The following ZNF451 variants were observed in gnomAD, a reference collection of about 807,000 sequenced individuals.
ZNF451 encodes the protein E3 SUMO-protein ligase ZNF451.
In ZNF451, 80 loss-of-function variants were observed where a neutral mutation model predicts 107.1. The ratio of observed to expected loss-of-function variants is 0.75; its 90% CI spans 0.62 to 0.90. The LOEUF (loss-of-function observed/expected upper bound fraction) is 0.90. Among genes scored for constraint, ZNF451 ranks in the 40% least tolerant of loss-of-function variants. The pLI is 0.00. For synonymous variants in ZNF451, 362 were observed against 406.5 expected (o/e 0.89, Z 1.32); for missense variants, 1,107 against 1,236.2 (o/e 0.90, Z 1.57).
chr6:57,130,627 G>C (rs1380170179), intron 5 of ZNF451, among the ~76,000 whole-genome samples: 1 of 152,104 alleles, frequency 6.6e-6, no homozygotes. Context: ...TGGTAGTCGG[G>C]CCAGTAATAT....
chr6:57,130,549 C>A (rs1160601697), intron 5 of ZNF451, among the ~76,000 whole-genome samples: 1 of 152,148 alleles, frequency 6.6e-6, no homozygotes, highest in Non-Finnish European at 1.5e-5. Flanking sequence ...AACTAGAAGA[C>A]TTTATCATCT....
intron 3 of ZNF451, chr6:57,103,565 A>G (rs1353429235): frequency 1.0e-5 from 10 of 985,296 alleles, no homozygotes; most frequent in East Asian, 1.1e-4. Context: ...TCTTCACAGC[A>G]TGACATCAGG....
At chr6:57,144,596 G>T (rs1361973572) in intron 9 of ZNF451, among the ~76,000 whole-genome samples, 1 of 152,014 alleles carries the variant, frequency 6.6e-6, no homozygotes, top group East Asian at 1.9e-4. Context: ...TGTTATCTTT[G>T]CCCTTTTGAT....
chr6:57,152,182 C>T, intron 11 of ZNF451, 39 bp from the exon 12 acceptor site: 2 of 1,574,206 alleles, frequency 1.3e-6, no homozygotes, highest in South Asian at 1.2e-5. Context: ...CTTTCCTCTC[C>T]TGTTTGATTA....
chr6:57,113,498 A>T (rs1401526599), intron 3 of ZNF451, among the ~76,000 whole-genome samples: 1 of 152,140 alleles, frequency 6.6e-6, no homozygotes, highest in East Asian at 1.9e-4. Context: ...TTAGCTAGTT[A>T]TCACAATAAG....
chr6:57,158,760 A>C, intron 13 of ZNF451: 1 of 985,454 alleles, frequency 1.0e-6, no homozygotes. Flanking sequence ...ACTACAAGAT[A>C]ATTTTTGTTG....
At position 57,134,744 on chromosome 6, in the gene ZNF451, G is replaced by A; in HGVS notation, c.576G>A (p.Arg192=). ...NGHLLLGHLK[R]FDHSPCDPTI... ...ACCTCTTACCTCTTTTGCTGAGTAG[G>A]TTCGATCACTCTCCATGTGATCCAA... Residue 192 remains arginine (R), a splice_region_variant and synonymous_variant, in exon 7 of 15, where the codon AGG becomes AGA. Coordinates refer to ENST00000370706, the MANE Select transcript of ZNF451 (RefSeq NM_001031623.3). The A allele has an allele frequency of 6.2e-7, 1 of 1,611,924 alleles. No homozygotes were observed. The highest frequency in any genetic ancestry group is 8.5e-7 in the Non-Finnish European group (1 of 1,179,206).
chr6:57,163,470 A>T (rs1249172559), intron 14 of ZNF451, among the ~76,000 whole-genome samples: 3 of 10,686 alleles, frequency 2.8e-4, no homozygotes, highest in East Asian at 1.1e-3. Flanking sequence ...TTTTTTTTTG[A>T]GACGGAGTCT....
At chr6:57,113,696 A>G (rs1246647355) in intron 3 of ZNF451, among the ~76,000 whole-genome samples, 1 of 146,510 alleles carries the variant, frequency 6.8e-6, no homozygotes, top group Non-Finnish European at 1.5e-5. Flanking sequence ...ATCTCGGCTC[A>G]CTGCAAGCTC....
At chr6:57,122,766 CTG>C (rs1830704662) in intron 3 of ZNF451, among the ~76,000 whole-genome samples, 1 of 152,230 alleles carries the variant, frequency 6.6e-6, no homozygotes, top group African/African-American at 2.4e-5. Flanking sequence ...CATTTATACA[CTG>C]TTGGTGGAAA....
chr6:57,143,970 T>C (rs1413135220), intron 9 of ZNF451, among the ~76,000 whole-genome samples: 1 of 152,162 alleles, frequency 6.6e-6, no homozygotes, highest in African/African-American at 2.4e-5. Flanking sequence ...ATTTATATGA[T>C]TCCATTCACA....
At chr6:57,101,354 A>G (rs1337103801) in intron 3 of ZNF451, 11 of 1,550,560 alleles carry the variant, frequency 7.1e-6, no homozygotes, top group Non-Finnish European at 8.7e-6. Flanking sequence ...GAGGTTTTTA[A>G]AGACCCTGCT....
At chr6:57,141,814 C>A (rs1831777608) in intron 8 of ZNF451, 134 bp from the exon 9 acceptor site, 2 of 786,424 alleles carry the variant, frequency 2.5e-6, no homozygotes, top group Admixed American at 5.7e-5. Context: ...AGTGGCTTCC[C>A]TTAGATTTTT....
At chr6:57,105,200 G>T in intron 3 of ZNF451, 2 of 985,180 alleles carry the variant, frequency 2.0e-6, no homozygotes, top group South Asian at 4.7e-5. Flanking sequence ...AATACCTCTA[G>T]GTTTTCTAGG....
chr6:57,168,982 CTG>C lies in ZNF451; in HGVS notation c.*514_*515del, dbSNP rs1764021536. 6.6e-6 allele frequency: 1 copy of C among 152,284 alleles called. No homozygotes were observed. Among genetic ancestry groups the C allele is most frequent in the African/African-American group, 2.4e-5 (1 of 41,424 alleles). The allele number at this position is 152,284 out of a possible 1,614,324, so 9.4% of individuals were successfully genotyped here. On this transcript the variant is annotated 3_prime_UTR_variant, in exon 15 of 15. Transcript: ENST00000370706. ...GTTTATTAGAAGAGGGTAATGGAAA[CTG>C]ATCATGGAAACATTTAAAATTTTAT...
rs1388067858 is a variant in ZNF451 at position 57,149,437 on chromosome 6, A to AT, written c.2608+748dup. ...ATTTGTAAAATTTTTTTGAGATGGG[A>AT]TTTTACTATGTTGCCCAGGCTGGTT... On this transcript the variant is annotated intron_variant, in intron 10 of 14. Coordinates refer to ENST00000370706, the MANE Select transcript of ZNF451 (RefSeq NM_001031623.3). Among the ~76,000 whole-genome samples the AT allele has an allele frequency of 2.0e-5, 3 of 151,800 alleles. No homozygotes were observed. In the East Asian group the frequency reaches 5.8e-4, roughly 29 times the overall value.
At chr6:57,123,094 G>A (rs1026819211) in intron 3 of ZNF451, among the ~76,000 whole-genome samples, 2 of 152,184 alleles carry the variant, frequency 1.3e-5, no homozygotes, top group Admixed American at 1.3e-4. Context: ...CTTGAGCCTG[G>A]CAGGTCAGGG....
intron 3 of ZNF451, among the ~76,000 whole-genome samples, chr6:57,109,887 C>T (rs189906501): frequency 1.3e-5 from 2 of 152,288 alleles, no homozygotes; most frequent in African/African-American, 4.8e-5. Context: ...ACATCTTTTT[C>T]AGTACCTGCT....
In ZNF451 at chr6:57,169,247, G is replaced by A. The variant is rs921107500; in HGVS notation, c.*778G>A. 6.6e-6 allele frequency: 1 copy of A among 152,030 alleles called. No individual in the cohort carries two copies. Among genetic ancestry groups the A allele is most frequent in the African/African-American group, 2.4e-5 (1 of 41,404 alleles). 9.4% of individuals were successfully genotyped at this position (152,030 alleles called of 1,614,324 possible). ...TAACAGTCCTTTTTTATATATTGGT[G>A]TAAACATAATATTCTTCAAGAAATA... On this transcript the variant is annotated 3_prime_UTR_variant, in exon 15 of 15. Coordinates refer to ENST00000370706, the MANE Select transcript of ZNF451 (RefSeq NM_001031623.3).
Sources: gnomAD v4.1 joint callset for allele counts (sites outside exome capture counted in the v4.1 genomes callset) on GRCh38, gnomAD v4.1.1 for gene constraint, MANE v1.5 for transcripts, NCBI Gene and HGNC (gene_info 2026-07-23, HGNC 2026-07-21) for gene names.